DLG2: variants seen among roughly 807,000 people sequenced by gnomAD.
DLG2 encodes the protein discs large MAGUK scaffold protein 2.
In DLG2, 45 loss-of-function variants were observed where a neutral mutation model predicts 132.5. That is an observed-to-expected ratio of 0.34 (90% CI 0.27 to 0.44). The LOEUF (loss-of-function observed/expected upper bound fraction) is 0.44. Among genes scored for constraint, DLG2 ranks in the 20% least tolerant of loss-of-function variants. The pLI is 1.00. For synonymous variants in DLG2, 424 were observed against 419.6 expected (o/e 1.01, Z -0.13); for missense variants, 1,045 against 1,196.9 (o/e 0.87, Z 1.87).
intron 7 of DLG2, among the ~76,000 whole-genome samples, chr11:84,320,410 G>C (rs1289379342): frequency 6.6e-6 from 1 of 152,186 alleles, no homozygotes; most frequent in Non-Finnish European, 1.5e-5. Context: ...CTAAGTGATT[G>C]CTAAAGAGTG....
chr11:84,097,213 C>CT (rs933586700), intron 10 of DLG2, among the ~76,000 whole-genome samples: 4 of 152,130 alleles, frequency 2.6e-5, no homozygotes, highest in African/African-American at 4.8e-5. Flanking sequence ...TCTCTGGGTC[C>CT]TATTCTCAAT....
intron 4 of DLG2, among the ~76,000 whole-genome samples, chr11:85,202,951 C>G (rs1222605081): frequency 6.6e-6 from 1 of 151,292 alleles, no homozygotes; most frequent in Non-Finnish European, 1.5e-5. Context: ...AATCTAAAAA[C>G]TTCAAATAAC....
At chr11:84,598,541 G>T (rs2099568737) in intron 6 of DLG2, among the ~76,000 whole-genome samples, 1 of 151,938 alleles carries the variant, frequency 6.6e-6, no homozygotes, top group African/African-American at 2.4e-5. Context: ...TTCTTCCCAG[G>T]TACCACGCTT....
intron 6 of DLG2, among the ~76,000 whole-genome samples, chr11:84,703,728 T>C (rs1461528098): frequency 2.0e-5 from 3 of 151,170 alleles, no homozygotes; most frequent in Non-Finnish European, 3.0e-5. Context: ...TTTGAAGATA[T>C]TCTCAGTGAA....
At chr11:84,806,434 G>A (rs1207158370) in intron 6 of DLG2, among the ~76,000 whole-genome samples, 2 of 152,130 alleles carry the variant, frequency 1.3e-5, no homozygotes, top group Admixed American at 6.5e-5. Context: ...AAAGCAGCAA[G>A]AGAGAAATGA....
At chr11:83,905,840 T>C (rs2074580387) in intron 15 of DLG2, among the ~76,000 whole-genome samples, 1 of 152,144 alleles carries the variant, frequency 6.6e-6, no homozygotes, top group African/African-American at 2.4e-5. Flanking sequence ...CATACTGTTA[T>C]GCAGCTGTGT....
chr11:84,935,048 T>A (rs1276068169), intron 6 of DLG2, among the ~76,000 whole-genome samples: 1 of 152,180 alleles, frequency 6.6e-6, no homozygotes, highest in Non-Finnish European at 1.5e-5. Flanking sequence ...AAATGGCACT[T>A]CATTTATCCA....
chr11:84,984,091 A>C (rs2154121257), intron 6 of DLG2, among the ~76,000 whole-genome samples: 1 of 152,318 alleles, frequency 6.6e-6, no homozygotes, highest in South Asian at 2.1e-4. Context: ...TATTTGGGGG[A>C]ATAATTAAGT....
rs570323108 is a variant in DLG2 at position 85,092,162 on chromosome 11, T to A, written c.357+19499A>T. ...ACATTAATCTCCTTGTATTCTTCCA[T>A]CAGAATTTTTGAGTGATTAGGTGCT... On this transcript the variant is annotated intron_variant, in intron 6 of 27. Coordinates refer to ENST00000376104, the MANE Select transcript of DLG2 (RefSeq NM_001142699.3). 4.6e-5 allele frequency among the ~76,000 whole-genome samples: 7 copies of A among 152,336 alleles called. No individual in the cohort carries two copies. The East Asian group carries it at 1.4e-3, about 29-fold the overall frequency.
chr11:85,316,212 T>C (rs2080663281), intron 3 of DLG2, among the ~76,000 whole-genome samples: 1 of 152,034 alleles, frequency 6.6e-6, no homozygotes, highest in Non-Finnish European at 1.5e-5. Flanking sequence ...CTGTTTCTTA[T>C]TAGCTGAAAC....
At chr11:84,885,805 T>A (rs1440004456) in intron 6 of DLG2, among the ~76,000 whole-genome samples, 1 of 151,854 alleles carries the variant, frequency 6.6e-6, no homozygotes, top group African/African-American at 2.4e-5. Context: ...AAAGTTTAAT[T>A]TTGCACTGGT....
chr11:83,771,963 T>C (rs938193922), intron 18 of DLG2, among the ~76,000 whole-genome samples: 2 of 152,238 alleles, frequency 1.3e-5, no homozygotes, highest in Non-Finnish European at 2.9e-5. Context: ...TCCCTTTAGA[T>C]GCCAGTAACC....
At chr11:85,376,365 A>T (rs1436005539) in intron 3 of DLG2, among the ~76,000 whole-genome samples, 1 of 152,114 alleles carries the variant, frequency 6.6e-6, no homozygotes, top group Admixed American at 6.5e-5. Flanking sequence ...CTATTATGTC[A>T]ATCTCATAGG....
intron 4 of DLG2, among the ~76,000 whole-genome samples, chr11:85,197,180 A>T (rs1565144131): frequency 6.6e-6 from 1 of 152,192 alleles, no homozygotes; most frequent in African/African-American, 2.4e-5. Flanking sequence ...CTACGATGTA[A>T]TATTGAACTT....
chr11:83,765,897 T>C (rs1373870964), intron 18 of DLG2, among the ~76,000 whole-genome samples: 9 of 152,244 alleles, frequency 5.9e-5, no homozygotes, highest in African/African-American at 2.2e-4. Flanking sequence ...GTCTGGAATG[T>C]AGATGTAGAT....
At chr11:84,837,491 C>T (rs932866261) in intron 6 of DLG2, among the ~76,000 whole-genome samples, 5 of 151,728 alleles carry the variant, frequency 3.3e-5, no homozygotes, top group African/African-American at 7.3e-5. Context: ...GCTCCTAGTA[C>T]GAAGTAGCTC....
chr11:85,170,512 T>C (rs1356061621), intron 4 of DLG2, among the ~76,000 whole-genome samples: 2 of 152,026 alleles, frequency 1.3e-5, no homozygotes, highest in Non-Finnish European at 2.9e-5. Flanking sequence ...TAGAAGAAAG[T>C]CAAAGAAACT....
At chr11:84,749,205 C>T (rs1365082839) in intron 6 of DLG2, among the ~76,000 whole-genome samples, 1 of 152,162 alleles carries the variant, frequency 6.6e-6, no homozygotes, top group African/African-American at 2.4e-5. Context: ...CTGTCTCACT[C>T]ACCTGCAATG....
At chr11:85,519,694 G>A (rs914527376) in intron 3 of DLG2, among the ~76,000 whole-genome samples, 1 of 152,176 alleles carries the variant, frequency 6.6e-6, no homozygotes, top group East Asian at 1.9e-4. Flanking sequence ...AGATTTGGGA[G>A]GGGTCAGGGG....
Sources: allele counts gnomAD v4.1 joint callset (sites outside exome capture counted in the v4.1 genomes callset), GRCh38; gene constraint gnomAD v4.1.1; transcripts MANE v1.5; gene names NCBI Gene and HGNC (gene_info 2026-07-23, HGNC 2026-07-21).